The following HROB variants were observed in gnomAD, a reference collection of about 807,000 sequenced individuals.
HROB encodes the protein homologous recombination factor with OB-fold.
HROB carries 44 observed loss-of-function variants against 61.0 expected under a neutral mutation model. The observed-to-expected ratio is 0.72, with a 90% CI of 0.57 to 0.93. The LOEUF is 0.93. Ranked by LOEUF, HROB falls within the 40% of genes least tolerant of loss-of-function variation. HROB has a pLI of 0.00. For synonymous variants in HROB, 301 were observed against 310.4 expected (o/e 0.97, Z 0.32); for missense variants, 716 against 796.2 (o/e 0.90, Z 1.21).
intron 9 of HROB, among the ~76,000 whole-genome samples, chr17:44,160,885 T>C (rs1425214849): frequency 6.6e-6 from 1 of 152,158 alleles, no homozygotes; most frequent in Non-Finnish European, 1.5e-5. Context: ...TTGCTGGTAG[T>C]GACAGAGAGT....
rs758356836 is a variant in HROB at position 44,148,234 on chromosome 17, A to G, written c.431A>G (p.Gln144Arg). The G allele has an allele frequency of 4.3e-6, 7 of 1,614,186 alleles. No individual in the cohort carries two copies. In the South Asian group the frequency reaches 6.6e-5, roughly 15 times the overall value. Residue 144 changes from glutamine (Q) to arginine (R), a missense_variant, in exon 3 of 10, where the codon CAG (glutamine) becomes CGG (arginine). Gln to Arg is a conservative substitution (Grantham distance 43). Coordinates refer to ENST00000585683, the MANE Select transcript of HROB (RefSeq NM_001171251.3). ...LHPLLTFESQ[Q>R]QQVGGFEGPE... is the part of the protein sequence containing the mutation. ...CCCCTACTCACCTTTGAGAGCCAAC[A>G]GCAGCAAGTTGGTGGCTTTGAGGGG...
chr17:44,161,378 G>A (rs1306553287), intron 9 of HROB, among the ~76,000 whole-genome samples: 1 of 152,118 alleles, frequency 6.6e-6, no homozygotes. Context: ...CAAGTTCTCG[G>A]ACATAAGTAC....
intron 3 of HROB, among the ~76,000 whole-genome samples, chr17:44,149,851 A>G (rs1218891898): frequency 6.6e-6 from 1 of 152,256 alleles, no homozygotes; most frequent in Non-Finnish European, 1.5e-5. Context: ...CACAAAGCAC[A>G]CAGTGTGAAC....
chr17:44,142,867 G>A (rs113181895), intron 1 of HROB, among the ~76,000 whole-genome samples: 291 of 152,290 alleles, frequency 1.9e-3, no homozygotes, highest in Non-Finnish European at 3.3e-3. Context: ...CATAAGATTG[G>A]TCAGGCGAAA....
At position 44,150,893 on chromosome 17, in the gene HROB, CA is replaced by C. The variant is rs1302911993; in HGVS notation, c.1225-66del. On this transcript the variant is annotated intron_variant, in intron 3 of 9. Transcript: ENST00000585683. ...TCCTGAACTCATTATGTAAACCAGA[CA>C]ATAAGCTGTACTTGTAAATAACAGC... 3.8e-6 allele frequency: 5 copies of C among 1,316,198 alleles called. No individual in the cohort carries two copies. The Admixed American group carries it at 9.3e-5, about 24-fold the overall frequency. 81.5% of individuals were successfully genotyped at this position (1,316,198 alleles called of 1,614,324 possible).
intron 8 of HROB, among the ~76,000 whole-genome samples, chr17:44,156,027 A>G (rs2053959213): frequency 6.6e-6 from 1 of 152,076 alleles, no homozygotes; most frequent in Admixed American, 6.5e-5. Context: ...TTGTGTACTG[A>G]AAACGTGTAC....
chr17:44,144,145 T>C (rs1466129080), intron 1 of HROB, among the ~76,000 whole-genome samples: 1 of 140,252 alleles, frequency 7.1e-6, no homozygotes, highest in Non-Finnish European at 1.6e-5. Flanking sequence ...GCCCGGCTAA[T>C]TTTTTTTTTT....
In HROB at chr17:44,157,892, A is replaced by G. The variant is rs114140980; in HGVS notation, c.1830A>G (p.Ala610=). ...AAKPEEGFRT[A]QNLEAEASPE... ...AGCCCGAGGAAGGCTTCAGAACAGCACAGAACCTAGAGGCAGAGGCGTCCC... is the reference window on the plus strand; with the variant it reads ...AGCCCGAGGAAGGCTTCAGAACAGCGCAGAACCTAGAGGCAGAGGCGTCCC... Residue 610 remains alanine, a synonymous_variant, in exon 9 of 10, where the codon GCA becomes GCG. Transcript: ENST00000585683. 1.9e-3 allele frequency: 3,005 copies of G among 1,613,786 alleles called. 5 individuals carry two copies. The highest frequency in any genetic ancestry group is 2.2e-3 in the Non-Finnish European group (2,650 of 1,179,824).
chr17:44,154,145 A>G (rs1258213382), intron 5 of HROB, among the ~76,000 whole-genome samples: 1 of 151,302 alleles, frequency 6.6e-6, no homozygotes, highest in South Asian at 2.1e-4. Context: ...AGTTCAAGAC[A>G]AGCCTGGCCA....
At chr17:44,157,097 C>A (rs898724883) in intron 8 of HROB, among the ~76,000 whole-genome samples, 1 of 152,130 alleles carries the variant, frequency 6.6e-6, no homozygotes, top group African/African-American at 2.4e-5. Flanking sequence ...CGTGCCTGGC[C>A]TTAATTACCA....
At position 44,154,958 on chromosome 17, in the gene HROB, A is replaced by G. The variant is rs1449490986; in HGVS notation, c.1644+20A>G. 20 of 1,609,672 alleles carry G rather than the reference A, an allele frequency of 1.2e-5. No individual in the cohort carries two copies. The highest frequency in any genetic ancestry group is 1.5e-5 in the Non-Finnish European group (18 of 1,178,198). ...AAGCAGGTATGGGGAGCAGCTCTCC[A>G]CACCACTGCCCCCCGGATAGAGCCC... On this transcript the variant is annotated intron_variant, in intron 7 of 9. Transcript: ENST00000585683.
At chr17:44,144,777 T>C (rs2053564864) in intron 1 of HROB, among the ~76,000 whole-genome samples, 2 of 149,182 alleles carry the variant, frequency 1.3e-5, no homozygotes, top group Admixed American at 1.3e-4. Context: ...ACTCACTCTG[T>C]CGCCCAGGCT....
chr17:44,154,828 C>G lies in HROB; in HGVS notation c.1559-25C>G, dbSNP rs528300121. The G allele has an allele frequency of 9.3e-6, 15 of 1,613,558 alleles. No homozygotes were observed. The South Asian group carries it at 1.5e-4, about 17-fold the overall frequency. On this transcript the variant is annotated intron_variant, in intron 6 of 9. Transcript: ENST00000585683. ...CGCTGTGCTGCCCTTGACCCCGAGA[C>G]TGATGGGCCATGTGGTATTTGCAGG... is the stretch of plus-strand genomic sequence containing the variant.
In HROB at chr17:44,147,966, G is replaced by A; in HGVS notation, c.163G>A (p.Ala55Thr). 6.2e-7 allele frequency: 1 copy of A among 1,614,052 alleles called. No homozygotes were observed. Among genetic ancestry groups the A allele is most frequent in the Non-Finnish European group, 8.5e-7 (1 of 1,180,030 alleles). Residue 55 changes from alanine to threonine, a missense_variant, in exon 3 of 10, where the codon GCA becomes ACA. Coordinates refer to ENST00000585683, the MANE Select transcript of HROB (RefSeq NM_001171251.3). ...TTCTAGGCCACAGGAGACTGTGCAG[G>A]CACAGTCCTCCAGGCTGCTGCTGTT... ...VSSRPQETVQAQSSRLLLLHP... is the reference protein window; with the variant it reads ...VSSRPQETVQTQSSRLLLLHP...
rs753483940 is a variant in HROB, at chr17:44,148,564, C to G, written c.761C>G (p.Pro254Arg). The part of the protein sequence containing the change: ...RPGAVGHLPV[P>R]TALTVPTQQL... ...GGTGCTGTGGGTCACCTTCCTGTTC[C>G]AACTGCCTTAACAGTTCCCACTCAG... The change falls in exon 3 of 10, where the codon CCA (proline) becomes CGA (arginine). Residue 254 changes from proline to arginine, a missense_variant. By Grantham distance (103) the Pro-to-Arg change is moderately radical. Transcript: ENST00000585683. 1.2e-6 allele frequency: 2 copies of G among 1,613,912 alleles called. No individual in the cohort carries two copies. Among genetic ancestry groups the G allele is most frequent in the Admixed American group, 3.3e-5 (2 of 59,988 alleles).
intron 1 of HROB, among the ~76,000 whole-genome samples, chr17:44,144,242 C>T (rs1471660785): frequency 1.3e-5 from 2 of 151,974 alleles, no homozygotes; most frequent in African/African-American, 2.4e-5. Flanking sequence ...CCAGTTCAAG[C>T]GATTCTCCTG....
Position 44,142,020 on chromosome 17 carries a change from CAGCCCGGA to C in HROB, c.-119_-112del. Reference sequence around the variant, plus strand: ...TCGCAGAGACTCATCCCTCTGACCCCAGCCCGGAAGCACTGTCCCTCGGAGTCCGAGAC... The same window carrying C: ...TCGCAGAGACTCATCCCTCTGACCCCAGCACTGTCCCTCGGAGTCCGAGAC... On this transcript the variant is annotated 5_prime_UTR_variant, in exon 1 of 10. Transcript: ENST00000585683. The C allele has an allele frequency of 7.3e-7, 1 of 1,362,422 alleles. No individual in the cohort carries two copies. Among genetic ancestry groups the C allele is most frequent in the African/African-American group, 1.5e-5 (1 of 66,824 alleles). The allele number at this position is 1,362,422 out of a possible 1,614,324, so 84.4% of individuals were successfully genotyped here.
chr17:44,158,676 C>T (rs564847930), intron 9 of HROB, among the ~76,000 whole-genome samples: 168 of 148,442 alleles, frequency 1.1e-3, no homozygotes, highest in Non-Finnish European at 3.4e-4. Context: ...GACGGAGTCT[C>T]GCTCTGTCAC....
At chr17:44,157,343 A>G (rs1457302353) in intron 8 of HROB, among the ~76,000 whole-genome samples, 1 of 151,064 alleles carries the variant, frequency 6.6e-6, no homozygotes, top group Non-Finnish European at 1.5e-5. Context: ...TTGGTGTTTC[A>G]GCTGCCTCCC....
Sources: allele counts gnomAD v4.1 joint callset (sites outside exome capture counted in the v4.1 genomes callset), GRCh38; gene constraint gnomAD v4.1.1; transcripts MANE v1.5; gene names NCBI Gene and HGNC (gene_info 2026-07-23, HGNC 2026-07-21).